NAV3: variants seen among roughly 807,000 people sequenced by gnomAD.
The protein encoded by NAV3 is pore membrane and/or filament interacting like protein 1.
Under a neutral mutation model 244.7 loss-of-function variants are expected in NAV3, and 87 were observed. The observed-to-expected ratio is 0.36, with a 90% CI of 0.30 to 0.42. The LOEUF (loss-of-function observed/expected upper bound fraction) is 0.42, where lower values mean the gene tolerates loss of function less well. Among genes scored for constraint, NAV3 ranks in the 20% least tolerant of loss-of-function variants. The pLI, the probability that NAV3 is intolerant of heterozygous loss-of-function variation, is 1.00. For synonymous variants in NAV3, 1,126 were observed against 1,042.2 expected (o/e 1.08, Z -1.55); for missense variants, 2,663 against 2,893.3 (o/e 0.92, Z 1.83).
intron 3 of NAV3, among the ~76,000 whole-genome samples, chr12:77,953,427 A>G (rs1441129528): frequency 1.3e-5 from 2 of 152,210 alleles, no homozygotes; most frequent in African/African-American, 4.8e-5. Flanking sequence ...ACACCCACAC[A>G]TGCCTAGAAA....
intron 18 of NAV3, among the ~76,000 whole-genome samples, chr12:78,135,599 A>G (rs752300795): frequency 7.2e-5 from 11 of 151,996 alleles, no homozygotes; most frequent in Non-Finnish European, 2.9e-5. Context: ...TTTGTTTAAT[A>G]CTTCATTAAT....
intron 1 of NAV3, among the ~76,000 whole-genome samples, chr12:77,918,742 T>A (rs866879833): frequency 1.3e-5 from 2 of 152,030 alleles, no homozygotes; most frequent in African/African-American, 2.4e-5. Flanking sequence ...TCCAGTAGGA[T>A]ATCTCAGGTT....
chr12:78,044,822 G>T (rs1881491023), intron 9 of NAV3, among the ~76,000 whole-genome samples: 1 of 152,160 alleles, frequency 6.6e-6, no homozygotes, highest in Admixed American at 6.5e-5. Context: ...AGCTTAAGGA[G>T]TTTTTGGCTG....
intron 2 of NAV3, among the ~76,000 whole-genome samples, chr12:77,576,446 G>C (rs1389199444): frequency 2.0e-5 from 3 of 152,054 alleles, no homozygotes; most frequent in African/African-American, 7.2e-5. Context: ...GTCTGCATGT[G>C]ACTGTGTTAG....
intron 1 of NAV3, among the ~76,000 whole-genome samples, chr12:77,852,000 C>A (rs1877605914): frequency 6.6e-6 from 1 of 152,190 alleles, no homozygotes; most frequent in Admixed American, 6.5e-5. Context: ...GACGACCTAG[C>A]TACTGCCTAT....
chr12:77,942,451 T>C (rs1223761478), intron 3 of NAV3, among the ~76,000 whole-genome samples: 1 of 152,030 alleles, frequency 6.6e-6, no homozygotes, highest in African/African-American at 2.4e-5. Flanking sequence ...CCAGGACCTA[T>C]TATGATGTCA....
chr12:77,754,549 GAGTTT>G (rs1476361613), intron 2 of NAV3, among the ~76,000 whole-genome samples: 19 of 152,294 alleles, frequency 1.2e-4, no homozygotes, highest in African/African-American at 4.3e-4. Flanking sequence ...CCCAGAATTT[GAGTTT>G]AGTTGAATTT....
At chr12:77,905,402 A>G (rs1240390646) in intron 1 of NAV3, among the ~76,000 whole-genome samples, 1 of 152,100 alleles carries the variant, frequency 6.6e-6, no homozygotes, top group Non-Finnish European at 1.5e-5. Flanking sequence ...TAGGGAAAAA[A>G]TTACTATAAA....
chr12:77,821,591 T>C (rs1482534566), intron 2 of NAV3, among the ~76,000 whole-genome samples: 2 of 152,214 alleles, frequency 1.3e-5, no homozygotes, highest in Non-Finnish European at 2.9e-5. Context: ...GACATTTTTA[T>C]GATACCTTTT....
intron 12 of NAV3, among the ~76,000 whole-genome samples, chr12:78,075,274 T>C (rs979456617): frequency 3.3e-5 from 5 of 152,202 alleles, no homozygotes; most frequent in Non-Finnish European, 4.4e-5. Flanking sequence ...TATGATCCCA[T>C]CTAAGCCATC....
intron 2 of NAV3, among the ~76,000 whole-genome samples, chr12:77,604,987 G>T (rs1870606567): frequency 6.6e-6 from 1 of 152,030 alleles, no homozygotes; most frequent in Admixed American, 6.6e-5. Flanking sequence ...CTTACTGAGA[G>T]TCTAGTATTT....
intron 18 of NAV3, among the ~76,000 whole-genome samples, chr12:78,132,680 CT>C (rs942740046): frequency 5.3e-5 from 8 of 152,026 alleles, no homozygotes; most frequent in Non-Finnish European, 8.8e-5. Context: ...TTCCTGTAGA[CT>C]TTTTTTTATC....
intron 12 of NAV3, among the ~76,000 whole-genome samples, chr12:78,111,401 A>C (rs1267485140): frequency 6.6e-6 from 1 of 152,132 alleles, no homozygotes; most frequent in African/African-American, 2.4e-5. Flanking sequence ...AAATTAGAAA[A>C]ACTATCAAAA....
intron 2 of NAV3, among the ~76,000 whole-genome samples, chr12:77,810,251 A>G (rs1255714153): frequency 6.6e-6 from 1 of 152,188 alleles, no homozygotes; most frequent in African/African-American, 2.4e-5. Flanking sequence ...CACTCACTGC[A>G]AGCTCCGCCT....
At chr12:77,786,410 T>C (rs562616749) in intron 2 of NAV3, among the ~76,000 whole-genome samples, 1 of 152,302 alleles carries the variant, frequency 6.6e-6, no homozygotes, top group African/African-American at 2.4e-5. Context: ...CATTTTAATA[T>C]TGTTCATATG....
chr12:78,028,846 C>A (rs574187880), intron 9 of NAV3, among the ~76,000 whole-genome samples: 6 of 152,304 alleles, frequency 3.9e-5, no homozygotes, highest in African/African-American at 1.4e-4. Flanking sequence ...ATGCCATGTA[C>A]TTTCCCCGAA....
intron 2 of NAV3, among the ~76,000 whole-genome samples, chr12:77,634,500 A>G (rs1872067276): frequency 6.6e-6 from 1 of 152,202 alleles, no homozygotes; most frequent in Admixed American, 6.5e-5. Flanking sequence ...TTAGTTTGGG[A>G]CCACAGTCAG....
At chr12:77,863,022 A>G (rs892937211) in intron 1 of NAV3, among the ~76,000 whole-genome samples, 5 of 151,848 alleles carry the variant, frequency 3.3e-5, no homozygotes, top group African/African-American at 2.4e-5. Flanking sequence ...TTCTTGGTTA[A>G]TAAAAACTTT....
chr12:77,911,185 A>T (rs1458148060), intron 1 of NAV3, among the ~76,000 whole-genome samples: 1 of 152,104 alleles, frequency 6.6e-6, no homozygotes, highest in Non-Finnish European at 1.5e-5. Context: ...GGGAGGGAGT[A>T]AAGAGCCAAC....
Sources: allele counts gnomAD v4.1 joint callset (sites outside exome capture counted in the v4.1 genomes callset), GRCh38; gene constraint gnomAD v4.1.1; transcripts MANE v1.5; gene names NCBI Gene and HGNC (gene_info 2026-07-23, HGNC 2026-07-21).